Variants in FLI1 observed in about 807,000 individuals in gnomAD.
The protein encoded by FLI1 is Friend leukemia integration 1 transcription factor.
In FLI1, 13 loss-of-function variants were observed where a neutral mutation model predicts 53.1. The ratio of observed to expected loss-of-function variants is 0.24; its 90% CI spans 0.16 to 0.39. The LOEUF is 0.39. FLI1 is among the 10% of genes least tolerant of loss of function. The pLI, the probability that FLI1 is intolerant of heterozygous loss-of-function variation, is 1.00. For synonymous variants in FLI1, 244 were observed against 236.7 expected (o/e 1.03, Z -0.28); for missense variants, 424 against 600.5 (o/e 0.71, Z 3.07).
At chr11:128,738,026 T>C (rs997964418) in intron 1 of FLI1, among the ~76,000 whole-genome samples, 2 of 152,214 alleles carry the variant, frequency 1.3e-5, no homozygotes, top group African/African-American at 2.4e-5. Flanking sequence ...GGTTCTACCA[T>C]TGTTTGAGCC....
intron 1 of FLI1, among the ~76,000 whole-genome samples, chr11:128,724,103 A>G (rs1214420183): frequency 6.6e-6 from 1 of 151,890 alleles, no homozygotes; most frequent in African/African-American, 2.4e-5. Flanking sequence ...CCACCACTCC[A>G]GGCTAAGTTG....
chr11:128,812,462 G>T lies in FLI1; in HGVS notation c.*1474G>T. 4.4e-6 allele frequency: 1 copy of T among 225,422 alleles called. No individual in the cohort carries two copies. Among genetic ancestry groups the T allele is most frequent in the Non-Finnish European group, 8.8e-6 (1 of 113,128 alleles). The allele number at this position is 225,422 out of a possible 1,614,324, so 14.0% of individuals were successfully genotyped here. On this transcript the variant is annotated 3_prime_UTR_variant, in exon 9 of 9. Coordinates refer to ENST00000527786, the MANE Select transcript of FLI1 (RefSeq NM_002017.5). ...ATTTACCGCCCCCGTTAGGTCAAAGGGTTTTCCCTGGGGAACTTTCCTATT... is the reference window on the plus strand; with the variant it reads ...ATTTACCGCCCCCGTTAGGTCAAAGTGTTTTCCCTGGGGAACTTTCCTATT...
At chr11:128,789,742 C>G (rs1013843809) in intron 5 of FLI1, among the ~76,000 whole-genome samples, 1 of 151,980 alleles carries the variant, frequency 6.6e-6, no homozygotes, top group Admixed American at 6.6e-5. Context: ...TGGAGGTGGG[C>G]TGTGTGTGTT....
chr11:128,744,699 A>AT (rs1228516416), intron 1 of FLI1, among the ~76,000 whole-genome samples: 1 of 152,190 alleles, frequency 6.6e-6, no homozygotes, highest in Admixed American at 6.5e-5. Context: ...GGGTGCTGTC[A>AT]TTGTGCCCAT....
rs11221464 is a variant in FLI1, at chr11:128,767,574, A to G, written c.231-544A>G. ...AATGCATTAAACTTATATATGTGCAATAGAAATAACTCACTGAGAAAGCAT... is the reference window on the plus strand; with the variant it reads ...AATGCATTAAACTTATATATGTGCAGTAGAAATAACTCACTGAGAAAGCAT... On this transcript the variant is annotated intron_variant, in intron 2 of 8. Transcript: ENST00000527786. Among the ~76,000 whole-genome samples, 9 of 152,366 alleles carry G rather than the reference A, an allele frequency of 5.9e-5. 1 individual carries two copies. In the East Asian group the frequency reaches 1.7e-3, roughly 29 times the overall value.
At chr11:128,706,103 A>G (rs778647708) in intron 1 of FLI1, among the ~76,000 whole-genome samples, 4 of 152,240 alleles carry the variant, frequency 2.6e-5, no homozygotes, top group Admixed American at 6.5e-5. Flanking sequence ...ACCTCTCTAC[A>G]TAGGGTTTAA....
chr11:128,704,258 T>C (rs1938464440), intron 1 of FLI1, among the ~76,000 whole-genome samples: 1 of 152,094 alleles, frequency 6.6e-6, no homozygotes, highest in Non-Finnish European at 1.5e-5. Context: ...TCTTCTCCCA[T>C]AATCTCAGGG....
chr11:128,691,322 G>A (rs1349771891), upstream of FLI1, among the ~76,000 whole-genome samples: 2 of 152,170 alleles, frequency 1.3e-5, no homozygotes, highest in Admixed American at 6.5e-5. Context: ...AGTAGCAGTG[G>A]AGTTGACCAT....
At chr11:128,747,069 G>A (rs958723804) in intron 1 of FLI1, among the ~76,000 whole-genome samples, 4 of 152,136 alleles carry the variant, frequency 2.6e-5, no homozygotes, top group African/African-American at 9.7e-5. Context: ...ATCCTCAGGC[G>A]GCACCATCAC....
intron 8 of FLI1, 62 bp downstream of exon 8, chr11:128,809,266 C>CAG: frequency 7.0e-7 from 1 of 1,419,094 alleles, no homozygotes; most frequent in Non-Finnish European, 1.0e-6. Context: ...TGTGAAATCA[C>CAG]AGAGACTTCT....
chr11:128,781,851 TCCCCTCTC>T (rs571412874), intron 4 of FLI1, 99 bp from the exon 5 acceptor site: 435 of 874,166 alleles, frequency 5.0e-4, no homozygotes, highest in Non-Finnish European at 6.6e-4. Flanking sequence ...CTGTCCCTCT[TCCCCTCTC>T]CCCATCTCTT....
At chr11:128,698,089 C>G (rs925531251) in intron 1 of FLI1, among the ~76,000 whole-genome samples, 3 of 152,086 alleles carry the variant, frequency 2.0e-5, no homozygotes, top group Admixed American at 1.3e-4. Context: ...AAGCACAGCC[C>G]GAAAGAAGGG....
At chr11:128,739,668 G>GA (rs755231984) in intron 1 of FLI1, among the ~76,000 whole-genome samples, 2 of 151,938 alleles carry the variant, frequency 1.3e-5, no homozygotes, top group Non-Finnish European at 1.5e-5. Context: ...TATTAGGGGG[G>GA]AAAAATCCTT....
At chr11:128,694,507 T>G (rs1174527402) in intron 1 of FLI1, among the ~76,000 whole-genome samples, 1 of 3,744 alleles carries the variant, frequency 2.7e-4, no homozygotes, top group African/African-American at 1.4e-3. Flanking sequence ...GCCCCCAAAG[T>G]GGAGCCCCGG....
chr11:128,759,401 C>T (rs1751749824), intron 2 of FLI1, among the ~76,000 whole-genome samples: 1 of 152,204 alleles, frequency 6.6e-6, no homozygotes, highest in Admixed American at 6.5e-5. Flanking sequence ...GACTAGCGAG[C>T]TGACAGTCCT....
At chr11:128,768,528 A>C (rs1941434786) in intron 3 of FLI1, 1 of 444,742 alleles carries the variant, frequency 2.2e-6, no homozygotes, top group East Asian at 4.0e-5. Flanking sequence ...AAAAAAAAAA[A>C]AAATACAAAA....
intron 5 of FLI1, among the ~76,000 whole-genome samples, chr11:128,784,281 T>G (rs1406463786): frequency 7.0e-6 from 1 of 142,472 alleles, no homozygotes; most frequent in African/African-American, 2.6e-5. Flanking sequence ...GCTGTCTTAT[T>G]GTTCAGCCGT....
At chr11:128,794,221 C>A (rs867698340) in intron 5 of FLI1, among the ~76,000 whole-genome samples, 2 of 152,142 alleles carry the variant, frequency 1.3e-5, no homozygotes, top group African/African-American at 4.8e-5. Flanking sequence ...TAAAAGTGAT[C>A]CCCGTTGGCC....
At chr11:128,771,802 T>C (rs902873769) in intron 3 of FLI1, among the ~76,000 whole-genome samples, 2 of 152,180 alleles carry the variant, frequency 1.3e-5, no homozygotes, top group Non-Finnish European at 2.9e-5. Flanking sequence ...CATTGCTTAG[T>C]AGTGGTGTGC....
Sources: gnomAD v4.1 joint callset for allele counts (sites outside exome capture counted in the v4.1 genomes callset) on GRCh38, gnomAD v4.1.1 for gene constraint, MANE v1.5 for transcripts, NCBI Gene and HGNC (gene_info 2026-07-23, HGNC 2026-07-21) for gene names.